Variants in CDH12 observed in about 807,000 individuals in gnomAD.
CDH12 encodes the protein cadherin 12, also known as cadherin-12.
A neutral mutation model predicts 74.1 loss-of-function variants in CDH12; 41 were observed. That is an observed-to-expected ratio of 0.55 (90% CI 0.43 to 0.72). The LOEUF is 0.72. Ranked by LOEUF, CDH12 falls within the 30% of genes least tolerant of loss-of-function variation. The pLI, the probability that CDH12 is intolerant of heterozygous loss-of-function variation, is 0.00. For synonymous variants in CDH12, 399 were observed against 355.0 expected, an observed-to-expected ratio of 1.12 and a Z score of -1.39; for missense variants, 945 against 977.2, an observed-to-expected ratio of 0.97 and a Z score of 0.44.
intron 3 of CDH12, among the ~76,000 whole-genome samples, chr5:22,327,569 C>T (rs1420128027): frequency 6.6e-6 from 1 of 151,976 alleles, no homozygotes; most frequent in Non-Finnish European, 1.5e-5. Flanking sequence ...ATATCTTAAG[C>T]TTCATCCACG....
chr5:22,014,693 A>C (rs1438127525), intron 5 of CDH12, among the ~76,000 whole-genome samples: 2 of 152,126 alleles, frequency 1.3e-5, no homozygotes, highest in Non-Finnish European at 2.9e-5. Flanking sequence ...AAAATATGAT[A>C]AAATTTTACC....
intron 5 of CDH12, among the ~76,000 whole-genome samples, chr5:22,022,435 C>T (rs772402450): frequency 6.6e-6 from 1 of 152,062 alleles, no homozygotes; most frequent in Non-Finnish European, 1.5e-5. Flanking sequence ...CTGAGGCCTC[C>T]CCAGCCATGC....
intron 4 of CDH12, among the ~76,000 whole-genome samples, chr5:22,171,379 G>A (rs973757461): frequency 6.6e-6 from 1 of 151,886 alleles, no homozygotes; most frequent in Non-Finnish European, 1.5e-5. Context: ...TTGCTTAGAT[G>A]TAATACCAGT....
chr5:22,348,772 T>G (rs557422897), intron 3 of CDH12, among the ~76,000 whole-genome samples: 73 of 152,196 alleles, frequency 4.8e-4, no homozygotes, highest in Non-Finnish European at 9.4e-4. Context: ...ATGGATGGGA[T>G]GTCCATAATG....
intron 3 of CDH12, among the ~76,000 whole-genome samples, chr5:22,288,006 C>T (rs1294454523): frequency 6.6e-6 from 1 of 152,018 alleles, no homozygotes; most frequent in African/African-American, 2.4e-5. Context: ...CAAATAAATC[C>T]TGAATGGTGC....
chr5:22,415,552 A>T (rs1174372148), intron 2 of CDH12, among the ~76,000 whole-genome samples: 1 of 152,166 alleles, frequency 6.6e-6, no homozygotes, highest in Non-Finnish European at 1.5e-5. Context: ...ATTCCTATGA[A>T]TACTATTCAC....
Position 21,875,386 on chromosome 5 carries a change from C to T in CDH12, c.527-20596G>A, listed in dbSNP as rs368702299. Among the ~76,000 whole-genome samples the T allele has an allele frequency of 5.9e-5, 9 of 152,146 alleles. No homozygotes were observed. The East Asian group carries it at 1.5e-3, about 26-fold the overall frequency. On this transcript the variant is annotated intron_variant, in intron 6 of 14. Transcript: ENST00000382254. The stretch of plus-strand genomic sequence containing the variant: ...ATAAATTTCTTAGCTTAATAACTGG[C>T]ACTTAGTGAGCCCTCATCAAAATGA...
chr5:22,496,391 T>C (rs778907849), intron 2 of CDH12, among the ~76,000 whole-genome samples: 16 of 152,222 alleles, frequency 1.1e-4, no homozygotes, highest in Non-Finnish European at 2.2e-4. Flanking sequence ...TGCAACATAA[T>C]GTAGATGGAT....
At chr5:22,284,889 G>T (rs927025070) in intron 3 of CDH12, among the ~76,000 whole-genome samples, 4 of 146,126 alleles carry the variant, frequency 2.7e-5, no homozygotes, top group African/African-American at 7.6e-5. Flanking sequence ...AGAAGCCAGG[G>T]AAGAATAGGA....
intron 8 of CDH12, among the ~76,000 whole-genome samples, chr5:21,829,482 G>GTGTC (rs909845080): frequency 1.3e-5 from 2 of 152,050 alleles, no homozygotes; most frequent in Middle Eastern, 3.2e-3. Flanking sequence ...ATATTCCCTT[G>GTGTC]TGTCTGTTAT....
At chr5:22,403,657 A>C (rs370746019) in intron 3 of CDH12, among the ~76,000 whole-genome samples, 1 of 152,194 alleles carries the variant, frequency 6.6e-6, no homozygotes, top group African/African-American at 2.4e-5. Context: ...GTACTACCTT[A>C]ATAGAATTAA....
intron 1 of CDH12, among the ~76,000 whole-genome samples, chr5:22,735,352 A>T (rs757717131): frequency 1.3e-5 from 2 of 151,934 alleles, no homozygotes; most frequent in Non-Finnish European, 2.9e-5. Flanking sequence ...AGAAGGTCTT[A>T]CTTGAAAATT....
At chr5:22,235,474 G>A (rs946891358) in intron 3 of CDH12, among the ~76,000 whole-genome samples, 3 of 151,758 alleles carry the variant, frequency 2.0e-5, no homozygotes, top group African/African-American at 7.3e-5. Context: ...CCAGATATTC[G>A]GGAGGCTGAG....
intron 1 of CDH12, among the ~76,000 whole-genome samples, chr5:22,830,807 T>G (rs2126498968): frequency 6.6e-6 from 1 of 151,728 alleles, no homozygotes; most frequent in East Asian, 1.9e-4. Flanking sequence ...AGAAAGAAAA[T>G]TATTCACTTC....
intron 4 of CDH12, among the ~76,000 whole-genome samples, chr5:22,113,973 A>G (rs1350674550): frequency 6.6e-6 from 1 of 152,010 alleles, no homozygotes; most frequent in Non-Finnish European, 1.5e-5. Flanking sequence ...AAACCTGGAT[A>G]TTTCTTCTTT....
At chr5:22,818,069 A>T (rs536278683) in intron 1 of CDH12, among the ~76,000 whole-genome samples, 1 of 152,302 alleles carries the variant, frequency 6.6e-6, no homozygotes, top group East Asian at 1.9e-4. Context: ...CATGGCATAC[A>T]TTCAACAATG....
intron 3 of CDH12, among the ~76,000 whole-genome samples, chr5:22,318,635 C>A (rs1328999867): frequency 6.6e-6 from 1 of 152,210 alleles, no homozygotes; most frequent in Non-Finnish European, 1.5e-5. Context: ...GAAGCCATTG[C>A]CTTCTCAGCC....
chr5:22,083,412 G>A lies in CDH12; in HGVS notation c.-186-4550C>T, dbSNP rs909850729. On this transcript the variant is annotated intron_variant, in intron 4 of 14. Transcript: ENST00000382254. ...ACTCTTTTCTGGGTGGAGTGGTGGC[G>A]TAAAGAGAAGCTAGGGAGGAGTAAT... is the stretch of plus-strand genomic sequence containing the variant. Among the ~76,000 whole-genome samples, 34 of 152,212 alleles carry A rather than the reference G, an allele frequency of 2.2e-4. No homozygotes were observed. In the South Asian group the frequency reaches 2.5e-3, roughly 11 times the overall value.
chr5:21,954,365 G>T (rs1325740765), intron 6 of CDH12, among the ~76,000 whole-genome samples: 2 of 151,570 alleles, frequency 1.3e-5, no homozygotes, highest in African/African-American at 4.9e-5. Flanking sequence ...TACCTCTTCA[G>T]AGTAGTGTGT....
Sources: gnomAD v4.1 joint callset for allele counts (sites outside exome capture counted in the v4.1 genomes callset) on GRCh38, gnomAD v4.1.1 for gene constraint, MANE v1.5 for transcripts, NCBI Gene and HGNC (gene_info 2026-07-23, HGNC 2026-07-21) for gene names.